Variants in RAB6B observed in about 807,000 individuals in gnomAD.
RAB6B encodes ras-related protein Rab-6B.
In RAB6B, 7 loss-of-function variants were observed where a neutral mutation model predicts 31.2. The ratio of observed to expected loss-of-function variants is 0.22; its 90% CI spans 0.13 to 0.42. The LOEUF is 0.42. Ranked by LOEUF, RAB6B falls within the 10% of genes least tolerant of loss-of-function variation. RAB6B has a pLI of 1.00. For missense variants in RAB6B, 149 were observed against 280.6 expected (o/e 0.53, Z 3.35); for synonymous variants, 105 against 104.9 (o/e 1.00, Z -0.01).
rs1005610104 is a variant in RAB6B, at chr3:133,824,680, A to G, written c.*4108T>C. On this transcript the variant is annotated 3_prime_UTR_variant, in exon 8 of 8. Transcript: ENST00000285208. ...TCTGTGTGGGTGCCCATGACAATCA[A>G]TCAGAGTAGACTTGGGGACTGGCCC... The G allele has an allele frequency of 6.6e-6, 1 of 152,212 alleles. No individual in the cohort carries two copies. Among genetic ancestry groups the G allele is most frequent in the Admixed American group, 6.5e-5 (1 of 15,284 alleles). The allele number at this position is 152,212 out of a possible 1,614,324, so 9.4% of individuals were successfully genotyped here. A position where few individuals can be genotyped will look rare whatever the true frequency, so the allele number is the denominator to read the frequency against.
At position 133,854,818 on chromosome 3, in the gene RAB6B, G is replaced by C. The variant is rs138868584; in HGVS notation, c.129+9766C>G. Among the ~76,000 whole-genome samples, 221 of 152,356 alleles carry C rather than the reference G, an allele frequency of 1.5e-3. 1 individual carries two copies. Among genetic ancestry groups the C allele is most frequent in the African/African-American group, 5.1e-3 (214 of 41,580 alleles). ...GGCCCAGCTGATCCCGGAGGAAAGAGACGTTTCCTGAGGCACTTGTTGAAG... is the reference window on the plus strand; with the variant it reads ...GGCCCAGCTGATCCCGGAGGAAAGACACGTTTCCTGAGGCACTTGTTGAAG... On this transcript the variant is annotated intron_variant, in intron 2 of 7. Coordinates refer to ENST00000285208, the MANE Select transcript of RAB6B (RefSeq NM_016577.4).
At chr3:133,884,355 A>G (rs1287436638) in intron 1 of RAB6B, among the ~76,000 whole-genome samples, 2 of 152,228 alleles carry the variant, frequency 1.3e-5, no homozygotes, top group African/African-American at 2.4e-5. Context: ...TCTCTGGGTT[A>G]GGGGAGGGTT....
chr3:133,846,567 A>G (rs1194841906), intron 2 of RAB6B, among the ~76,000 whole-genome samples: 2 of 152,218 alleles, frequency 1.3e-5, no homozygotes, highest in African/African-American at 4.8e-5. Context: ...ACATCAACCC[A>G]CAGTTCCAAG....
At chr3:133,892,088 C>T (rs1376899626) in intron 1 of RAB6B, among the ~76,000 whole-genome samples, 1 of 152,088 alleles carries the variant, frequency 6.6e-6, no homozygotes, top group East Asian at 1.9e-4. Flanking sequence ...TCCCACAGGC[C>T]CACTCTCCCC....
chr3:133,839,649 C>T (rs375943649), intron 4 of RAB6B, 32 bp from the exon 5 acceptor site: 2 of 1,511,364 alleles, frequency 1.3e-6, no homozygotes, highest in Non-Finnish European at 9.2e-7. Flanking sequence ...AAACTGAAAG[C>T]CAGGGCCAGC....
At chr3:133,886,782 G>A (rs1936553767) in intron 1 of RAB6B, among the ~76,000 whole-genome samples, 1 of 152,220 alleles carries the variant, frequency 6.6e-6, no homozygotes, top group Non-Finnish European at 1.5e-5. Context: ...GGAGATTGCT[G>A]TTACTATTTC....
rs114171371 is a variant in RAB6B at position 133,843,518 on chromosome 3, C to T, written c.130-1855G>A. Among the ~76,000 whole-genome samples the T allele has an allele frequency of 7.5e-3, 1,136 of 152,256 alleles. 12 individuals are homozygous for T. Among genetic ancestry groups the T allele is most frequent in the African/African-American group, 0.026 (1,081 of 41,550 alleles). On this transcript the variant is annotated intron_variant, in intron 2 of 7. Coordinates refer to ENST00000285208, the MANE Select transcript of RAB6B (RefSeq NM_016577.4). Reference sequence around the variant, plus strand: ...CAACTCCTCAATGCTCAACAGGCTCCCCAGGAGTGACATGCTCCTTTTGTA... The same window carrying T: ...CAACTCCTCAATGCTCAACAGGCTCTCCAGGAGTGACATGCTCCTTTTGTA...
intron 4 of RAB6B, among the ~76,000 whole-genome samples, chr3:133,840,014 G>T (rs1007976168): frequency 6.6e-6 from 1 of 152,078 alleles, no homozygotes; most frequent in Admixed American, 6.5e-5. Context: ...ACATGCGCGC[G>T]CGACTTGGCA....
intron 2 of RAB6B, among the ~76,000 whole-genome samples, chr3:133,844,942 C>G (rs1291159262): frequency 6.5e-4 from 31 of 47,812 alleles, no homozygotes; most frequent in Non-Finnish European, 3.1e-4. Context: ...GACCCTGGCT[C>G]AAAAGAAAAA....
chr3:133,876,082 T>C (rs952590624), intron 1 of RAB6B, among the ~76,000 whole-genome samples: 5 of 152,200 alleles, frequency 3.3e-5, no homozygotes, highest in African/African-American at 1.2e-4. Flanking sequence ...ATACCCCTAC[T>C]GTGTTTGGGG....
At chr3:133,839,854 G>A (rs6765093) in intron 4 of RAB6B, among the ~76,000 whole-genome samples, 96,707 of 151,984 alleles carry the variant, frequency 0.64, 31,907 homozygotes, top group African/African-American at 0.8. Context: ...TTGTGGGAGA[G>A]GAATCACCCC....
In RAB6B at chr3:133,826,393, TG is replaced by T. The variant is rs1011132069; in HGVS notation, c.*2394del. 10 of 152,254 alleles carry T rather than the reference TG, an allele frequency of 6.6e-5. No individual in the cohort carries two copies. In the East Asian group the frequency reaches 7.7e-4, roughly 12 times the overall value. The allele number at this position is 152,254 out of a possible 1,614,324, so 9.4% of individuals were successfully genotyped here. A position where few individuals can be genotyped will look rare whatever the true frequency, so the allele number is the denominator to read the frequency against. On this transcript the variant is annotated 3_prime_UTR_variant, in exon 8 of 8. Transcript: ENST00000285208. Reference sequence around the variant, plus strand: ...ACTGAGTTTCTACTGTTTTATGGGATGTTTTTTTAAAAAAGCTAATCTTTAG... The same window carrying T: ...ACTGAGTTTCTACTGTTTTATGGGATTTTTTTTAAAAAAGCTAATCTTTAG...
At chr3:133,872,399 C>A (rs1022422960) in intron 1 of RAB6B, among the ~76,000 whole-genome samples, 1 of 152,264 alleles carries the variant, frequency 6.6e-6, no homozygotes, top group African/African-American at 2.4e-5. Context: ...GTGAGGCCTG[C>A]ACCATCCCTG....
chr3:133,868,150 C>T (rs149136132), intron 1 of RAB6B, among the ~76,000 whole-genome samples: 2 of 152,274 alleles, frequency 1.3e-5, no homozygotes, highest in Admixed American at 6.5e-5. Context: ...TTGTGCTGTG[C>T]TAAGCTCCTC....
At chr3:133,834,769 C>T (rs1037740758) in intron 6 of RAB6B, 128 bp from the exon 7 acceptor site, 7 of 868,676 alleles carry the variant, frequency 8.1e-6, no homozygotes, top group South Asian at 4.2e-5. Context: ...GCCCAGCGGA[C>T]GGTGCCCTCA....
chr3:133,825,946 T>A lies in RAB6B; in HGVS notation c.*2842A>T, dbSNP rs2107981512. ...TTGCTGGGGTGCTGAGGCAATGCCA[T>A]GACATCTTCTTCAAGAGCACCTAAC... On this transcript the variant is annotated 3_prime_UTR_variant, in exon 8 of 8. Transcript: ENST00000285208. 1 of 152,366 alleles carries A rather than the reference T, an allele frequency of 6.6e-6. No individual in the cohort carries two copies. Among genetic ancestry groups the A allele is most frequent in the African/African-American group, 2.4e-5 (1 of 41,586 alleles). 9.4% of individuals were successfully genotyped at this position (152,366 alleles called of 1,614,324 possible). A position where few individuals can be genotyped will look rare whatever the true frequency, so the allele number is the denominator to read the frequency against.
At chr3:133,889,427 T>TATAC (rs1936603291) in intron 1 of RAB6B, among the ~76,000 whole-genome samples, 3 of 69,688 alleles carry the variant, frequency 4.3e-5, no homozygotes, top group Non-Finnish European at 5.9e-5. Context: ...TATATATATA[T>TATAC]ATATATATAT....
Position 133,827,552 on chromosome 3 carries a change from C to T in RAB6B, c.*1236G>A, listed in dbSNP as rs1185952029. 3.8e-6 allele frequency: 1 copy of T among 261,766 alleles called. No individual in the cohort carries two copies. Among genetic ancestry groups the T allele is most frequent in the Admixed American group, 5.2e-5 (1 of 19,196 alleles). 16.2% of individuals were successfully genotyped at this position (261,766 alleles called of 1,614,324 possible). On this transcript the variant is annotated 3_prime_UTR_variant, in exon 8 of 8. Transcript: ENST00000285208. ...GGCAAGCAGCCTTCTGGAGACCCCA[C>T]CTGAACCACATCCTCAGGTGACCAC...
chr3:133,891,586 C>T (rs1936638167), intron 1 of RAB6B, among the ~76,000 whole-genome samples: 1 of 152,070 alleles, frequency 6.6e-6, no homozygotes, highest in Non-Finnish European at 1.5e-5. Flanking sequence ...AATGTCTGTG[C>T]TCCCAGTGGA....
Sources: allele counts gnomAD v4.1 joint callset (sites outside exome capture counted in the v4.1 genomes callset), GRCh38; gene constraint gnomAD v4.1.1; transcripts MANE v1.5; gene names NCBI Gene and HGNC (gene_info 2026-07-23, HGNC 2026-07-21).